Variants in CDCA2 observed in about 807,000 individuals in gnomAD.
CDCA2 encodes the protein cell division cycle associated 2.
In CDCA2, 44 loss-of-function variants were observed where a neutral mutation model predicts 67.0. The observed-to-expected ratio is 0.66, with a 90% CI of 0.52 to 0.84. The LOEUF (loss-of-function observed/expected upper bound fraction) is 0.84, where lower values mean the gene tolerates loss of function less well. Ranked by LOEUF, CDCA2 falls within the 40% of genes least tolerant of loss-of-function variation. CDCA2 has a pLI of 0.00. For missense variants in CDCA2, 1,253 were observed against 1,203.2 expected (o/e 1.04, Z -0.61); for synonymous variants, 447 against 418.7 (o/e 1.07, Z -0.82).
Position 25,462,072 on chromosome 8 carries a change from T to C in CDCA2, c.251T>C (p.Leu84Pro), listed in dbSNP as rs1177076447. Residue 84 changes from leucine (L) to proline (P), a missense_variant, in exon 4 of 15, where the codon CTT (leucine) becomes CCT (proline). Transcript: ENST00000330560. ...RNSAGKSSSY[L>P]KKCRRRSAVG... ...ATTACAGGAAAGTCATCATCCTACC[T>C]TAAAAAATGTAGACGACGTTCTGCA... The C allele has an allele frequency of 7.4e-6, 12 of 1,613,840 alleles. No homozygotes were observed. Among genetic ancestry groups the C allele is most frequent in the African/African-American group, 1.3e-5 (1 of 74,928 alleles).
intron 4 of CDCA2, among the ~76,000 whole-genome samples, chr8:25,464,764 G>A (rs566377288): frequency 3.3e-4 from 50 of 152,164 alleles, no homozygotes; most frequent in East Asian, 7.7e-4. Context: ...TTTCCCTGTC[G>A]TTCTGTTAGA....
chr8:25,478,894 A>G (rs1257604392), intron 7 of CDCA2, among the ~76,000 whole-genome samples: 1 of 144,796 alleles, frequency 6.9e-6, no homozygotes, highest in African/African-American at 2.7e-5. Flanking sequence ...GTGTGTATAT[A>G]TATATATATA....
intron 12 of CDCA2, among the ~76,000 whole-genome samples, chr8:25,488,208 G>T (rs1174378119): frequency 6.6e-6 from 1 of 152,166 alleles, no homozygotes; most frequent in Non-Finnish European, 1.5e-5. Context: ...AAAAATTCAT[G>T]ATTTTTTTCC....
intron 10 of CDCA2, 24 bp downstream of exon 10, chr8:25,484,234 A>G: frequency 6.2e-7 from 1 of 1,608,552 alleles, no homozygotes; most frequent in Non-Finnish European, 8.5e-7. Context: ...GCGTGGAACA[A>G]GCTTGCCATA....
chr8:25,461,385 C>CTA (rs1391795632), intron 3 of CDCA2, among the ~76,000 whole-genome samples: 1 of 151,116 alleles, frequency 6.6e-6, no homozygotes, highest in Non-Finnish European at 1.5e-5. Flanking sequence ...GAAGGAAATA[C>CTA]TATATGAGAA....
At chr8:25,487,557 C>T (rs117586154) in intron 12 of CDCA2, among the ~76,000 whole-genome samples, 2,490 of 152,110 alleles carry the variant, frequency 0.016, 32 homozygotes, top group Non-Finnish European at 0.026. Context: ...CTGGCTAACA[C>T]GGTAAAATCC....
chr8:25,468,519 C>A (rs893897755), intron 6 of CDCA2, 106 bp downstream of exon 6: 11 of 692,478 alleles, frequency 1.6e-5, no homozygotes, highest in African/African-American at 7.7e-5. Context: ...TTGTTCTGCC[C>A]TGTGGTTCCT....
chr8:25,486,991 C>A (rs1803803808), intron 11 of CDCA2, among the ~76,000 whole-genome samples: 1 of 151,956 alleles, frequency 6.6e-6, no homozygotes, highest in African/African-American at 2.4e-5. Flanking sequence ...GTGATTTATT[C>A]TGCTATCTTA....
chr8:25,499,332 T>G, intron 13 of CDCA2, among the ~76,000 whole-genome samples: 1 of 133,024 alleles, frequency 7.5e-6, no homozygotes, highest in Non-Finnish European at 1.5e-5. Context: ...TGAGACAGAG[T>G]CTCTCTCTGT....
rs144083252 is a variant in CDCA2, at chr8:25,503,326, T to C, written c.1672-47T>C. The C allele has an allele frequency of 6.4e-4, 915 of 1,427,136 alleles. 5 individuals are homozygous for C. In the African/African-American group the frequency reaches 0.012, roughly 18 times the overall value. 88.4% of individuals were successfully genotyped at this position (1,427,136 alleles called of 1,614,324 possible). A position where few individuals can be genotyped will look rare whatever the true frequency, so the allele number is the denominator to read the frequency against. On this transcript the variant is annotated intron_variant, in intron 13 of 14. Coordinates refer to ENST00000330560, the MANE Select transcript of CDCA2 (RefSeq NM_152562.4). ...CTAGTTAAAGGGTCAAAATTTTACA[T>C]GGTGCTACATCTTTCTCAATTGCAA...
At chr8:25,487,158 G>T in intron 11 of CDCA2, 88 bp from the exon 12 acceptor site, 1 of 788,848 alleles carries the variant, frequency 1.3e-6, no homozygotes, top group South Asian at 1.5e-5. Flanking sequence ...ATTAAAGGTG[G>T]ATATCCTAAA....
Position 25,488,577 on chromosome 8 carries a change from G to C in CDCA2, c.1559G>C (p.Ser520Thr), listed in dbSNP as rs753485932. The C allele has an allele frequency of 6.2e-7, 1 of 1,611,438 alleles. No homozygotes were observed. Among genetic ancestry groups the C allele is most frequent in the Non-Finnish European group, 8.5e-7 (1 of 1,179,234 alleles). Residue 520 changes from serine to threonine, a missense_variant, in exon 13 of 15, where the codon AGT (serine) becomes ACT (threonine). Transcript: ENST00000330560. ...RNQLVSVVEE[S>T]VCNLLNTEVQ... ...CAATTGGTCAGTGTTGTAGAAGAGA[G>C]TGTTTGCAACTTATTGAATACAGAA... is the stretch of plus-strand genomic sequence containing the variant.
At chr8:25,496,177 A>G (rs961699162) in intron 13 of CDCA2, among the ~76,000 whole-genome samples, 1 of 152,242 alleles carries the variant, frequency 6.6e-6, no homozygotes, top group African/African-American at 2.4e-5. Context: ...TCATGTTAAC[A>G]GACACAAATC....
chr8:25,462,014 G>A, intron 3 of CDCA2, 40 bp from the exon 4 acceptor site: 3 of 1,586,668 alleles, frequency 1.9e-6, no homozygotes, highest in African/African-American at 2.7e-5. Flanking sequence ...ACTGATGATT[G>A]CCTTGTTTTG....
chr8:25,489,888 C>T (rs1803934728), intron 13 of CDCA2, among the ~76,000 whole-genome samples: 1 of 152,222 alleles, frequency 6.6e-6, no homozygotes, highest in Admixed American at 6.5e-5. Context: ...CAACTACGTA[C>T]TAGACATCTG....
intron 3 of CDCA2, 25 bp downstream of exon 3, chr8:25,460,579 TAA>T (rs1478120891): frequency 6.3e-7 from 1 of 1,592,472 alleles, no homozygotes; most frequent in African/African-American, 1.4e-5. Flanking sequence ...CATTCTGTTG[TAA>T]TGCTTTTCAA....
At chr8:25,458,974 T>A (rs1235839112), upstream of CDCA2, 1 of 152,238 alleles carries the variant, frequency 6.6e-6, no homozygotes, top group Non-Finnish European at 1.5e-5. Context: ...GAAGCGTTAC[T>A]CCGCGAGACT....
intron 7 of CDCA2, among the ~76,000 whole-genome samples, chr8:25,473,634 T>C (rs972547239): frequency 2.6e-5 from 4 of 152,216 alleles, no homozygotes; most frequent in Non-Finnish European, 4.4e-5. Context: ...TAACAGAATA[T>C]GATTACTAAA....
Position 25,507,380 on chromosome 8 carries a change from T to A in CDCA2, c.2714T>A (p.Leu905His). 1 of 1,613,814 alleles carries A rather than the reference T, an allele frequency of 6.2e-7. No homozygotes were observed. Among genetic ancestry groups the A allele is most frequent in the Non-Finnish European group, 8.5e-7 (1 of 1,179,958 alleles). The change falls in exon 15 of 15, where the codon CTT becomes CAT. Residue 905 changes from leucine (L) to histidine (H), a missense_variant. Physicochemically the swap from Leu to His is moderately conservative, Grantham distance 99. Coordinates refer to ENST00000330560, the MANE Select transcript of CDCA2 (RefSeq NM_152562.4). ...RLQKDLENEG[L>H]VWISLPLPST... ...CAGAAGGATTTAGAAAACGAAGGTC[T>A]TGTATGGATTTCACTTCCACTTCCT...
Sources: allele counts gnomAD v4.1 joint callset (sites outside exome capture counted in the v4.1 genomes callset), GRCh38; gene constraint gnomAD v4.1.1; transcripts MANE v1.5; gene names NCBI Gene and HGNC (gene_info 2026-07-23, HGNC 2026-07-21).